GPC5: variants seen among roughly 807,000 people sequenced by gnomAD.
The protein encoded by GPC5 is glypican 5.
GPC5 carries 47 observed loss-of-function variants against 53.9 expected under a neutral mutation model. The ratio of observed to expected loss-of-function variants is 0.87; its 90% CI spans 0.69 to 1.11. The LOEUF (loss-of-function observed/expected upper bound fraction) is 1.11. Among genes scored for constraint, GPC5 ranks in the 50% most tolerant of loss-of-function variants. GPC5 has a pLI of 0.00. For synonymous variants in GPC5, 286 were observed against 263.3 expected, an observed-to-expected ratio of 1.09 and a Z score of -0.84; for missense variants, 748 against 713.1, an observed-to-expected ratio of 1.05 and a Z score of -0.56.
At chr13:92,047,826 A>G (rs937761898) in intron 6 of GPC5, among the ~76,000 whole-genome samples, 4 of 150,356 alleles carry the variant, frequency 2.7e-5, no homozygotes, top group Admixed American at 6.6e-5. Flanking sequence ...AAAAAAAAAA[A>G]AGAAAATACA....
chr13:92,446,593 A>G (rs1877836895), intron 7 of GPC5: 2 of 152,046 alleles, frequency 1.3e-5, no homozygotes, highest in Admixed American at 6.6e-5. Context: ...AATAAACATG[A>G]GAGTGCAGAT....
chr13:91,506,076 G>A (rs1171204692), intron 2 of GPC5, among the ~76,000 whole-genome samples: 1 of 151,948 alleles, frequency 6.6e-6, no homozygotes, highest in African/African-American at 2.4e-5. Context: ...AACTCCATGG[G>A]GGAAAATTAA....
At chr13:92,346,211 G>A (rs2043410599) in intron 7 of GPC5, among the ~76,000 whole-genome samples, 1 of 152,050 alleles carries the variant, frequency 6.6e-6, no homozygotes, top group Admixed American at 6.6e-5. Flanking sequence ...TATTTCCAAG[G>A]AGCATAGCTT....
At chr13:91,652,220 C>T (rs551708184) in intron 2 of GPC5, among the ~76,000 whole-genome samples, 1 of 152,174 alleles carries the variant, frequency 6.6e-6, no homozygotes, top group East Asian at 1.9e-4. Context: ...CTTAAATAAG[C>T]GTTCACCATG....
chr13:92,787,294 G>A (rs1030632105), intron 7 of GPC5, among the ~76,000 whole-genome samples: 12 of 151,972 alleles, frequency 7.9e-5, no homozygotes, highest in East Asian at 1.9e-4. Context: ...TTATGATCCC[G>A]AAAGTAATAA....
intron 7 of GPC5, among the ~76,000 whole-genome samples, chr13:92,449,671 C>T (rs1877979542): frequency 6.6e-6 from 1 of 152,024 alleles, no homozygotes; most frequent in Non-Finnish European, 1.5e-5. Context: ...GGGCAAAATG[C>T]CACCAGTTTA....
intron 7 of GPC5, among the ~76,000 whole-genome samples, chr13:92,797,211 A>G (rs1002233162): frequency 6.6e-6 from 1 of 151,986 alleles, no homozygotes; most frequent in Non-Finnish European, 1.5e-5. Flanking sequence ...AGCTAATAAT[A>G]ATGATGAATG....
chr13:92,696,645 G>T (rs904965721), intron 7 of GPC5, among the ~76,000 whole-genome samples: 49 of 152,112 alleles, frequency 3.2e-4, no homozygotes, highest in Non-Finnish European at 2.9e-4. Flanking sequence ...CATTCTGTAG[G>T]TTGCCTGTTC....
intron 7 of GPC5, chr13:92,448,558 G>A (rs1877927539): frequency 6.6e-6 from 1 of 152,026 alleles, no homozygotes. Context: ...GCTCAGCAGT[G>A]TGGTAGAGAT....
chr13:92,149,788 A>C (rs2041894158), intron 7 of GPC5, among the ~76,000 whole-genome samples: 1 of 152,038 alleles, frequency 6.6e-6, no homozygotes, highest in Non-Finnish European at 1.5e-5. Flanking sequence ...GACCTTAAAA[A>C]GATGTTACTT....
chr13:92,178,997 C>T (rs1040049486), intron 7 of GPC5, among the ~76,000 whole-genome samples: 4 of 147,754 alleles, frequency 2.7e-5, no homozygotes, highest in Non-Finnish European at 2.9e-5. Context: ...AATAAATAAA[C>T]TAGTTTATTG....
intron 5 of GPC5, among the ~76,000 whole-genome samples, chr13:91,757,612 T>G (rs939077438): frequency 6.6e-6 from 1 of 152,296 alleles, no homozygotes; most frequent in South Asian, 2.1e-4. Context: ...TTCTCTTTGC[T>G]GCTGCCATGT....
At chr13:92,267,763 T>C (rs1455632474) in intron 7 of GPC5, among the ~76,000 whole-genome samples, 4 of 152,124 alleles carry the variant, frequency 2.6e-5, no homozygotes, top group African/African-American at 7.2e-5. Flanking sequence ...CATTTACACA[T>C]TGTCACACTG....
intron 7 of GPC5, among the ~76,000 whole-genome samples, chr13:92,792,305 C>T (rs1032203808): frequency 5.9e-5 from 9 of 152,058 alleles, no homozygotes; most frequent in African/African-American, 2.2e-4. Context: ...CCAGCCAAAT[C>T]AAGCTTCATA....
At chr13:92,346,093 T>C (rs996110878) in intron 7 of GPC5, among the ~76,000 whole-genome samples, 1 of 152,068 alleles carries the variant, frequency 6.6e-6, no homozygotes, top group African/African-American at 2.4e-5. Flanking sequence ...CCCATACATT[T>C]TGGGGAAGTA....
intron 2 of GPC5, among the ~76,000 whole-genome samples, chr13:91,478,799 A>ATATATGTG (rs376464525): frequency 3.6e-5 from 3 of 83,544 alleles, no homozygotes; most frequent in Middle Eastern, 6.8e-3. Flanking sequence ...TTGAGTTTAT[A>ATATATGTG]TATATATATA....
chr13:92,633,834 A>G (rs1468196498), intron 7 of GPC5, among the ~76,000 whole-genome samples: 1 of 152,094 alleles, frequency 6.6e-6, no homozygotes, highest in Non-Finnish European at 1.5e-5. Context: ...GTTTCTCACC[A>G]TTAAGCGTAA....
intron 2 of GPC5, among the ~76,000 whole-genome samples, chr13:91,612,986 T>C (rs765788942): frequency 1.3e-5 from 2 of 152,142 alleles, no homozygotes; most frequent in Non-Finnish European, 2.9e-5. Flanking sequence ...AATCCTTCAC[T>C]CAAATCCTGG....
intron 2 of GPC5, among the ~76,000 whole-genome samples, chr13:91,596,937 T>G (rs1033965569): frequency 2.0e-5 from 3 of 152,154 alleles, no homozygotes; most frequent in African/African-American, 7.2e-5. Context: ...ATCTCTGAAG[T>G]TCTCTCACCT....
Sources: allele counts gnomAD v4.1 joint callset (sites outside exome capture counted in the v4.1 genomes callset), GRCh38; gene constraint gnomAD v4.1.1; transcripts MANE v1.5; gene names NCBI Gene and HGNC (gene_info 2026-07-23, HGNC 2026-07-21).